The following CACNA2D3 variants were observed in gnomAD, a reference collection of about 807,000 sequenced individuals.
CACNA2D3 encodes voltage-dependent calcium channel subunit alpha-2/delta-3.
Under a neutral mutation model 160.6 loss-of-function variants are expected in CACNA2D3, and 60 were observed. The ratio of observed to expected loss-of-function variants is 0.37; its 90% CI spans 0.30 to 0.46. The LOEUF (loss-of-function observed/expected upper bound fraction) is 0.46, where lower values mean the gene tolerates loss of function less well. Ranked by LOEUF, CACNA2D3 falls within the 20% of genes least tolerant of loss-of-function variation. The pLI, the probability that CACNA2D3 is intolerant of heterozygous loss-of-function variation, is 1.00. For synonymous variants in CACNA2D3, 558 were observed against 492.9 expected (o/e 1.13, Z -1.75); for missense variants, 1,205 against 1,365.0 (o/e 0.88, Z 1.85).
chr3:54,974,696 T>TC (rs1702346563), intron 29 of CACNA2D3, among the ~76,000 whole-genome samples: 1 of 152,226 alleles, frequency 6.6e-6, no homozygotes, highest in Non-Finnish European at 1.5e-5. Flanking sequence ...CTCTGTGCTC[T>TC]CCACCCTGCC....
rs11706562 is a variant in CACNA2D3, at chr3:54,336,120, C to T, written c.321+15562C>T. Among the ~76,000 whole-genome samples the T allele has an allele frequency of 4.9e-3, 743 of 151,486 alleles. 3 individuals are homozygous for T. Among genetic ancestry groups the T allele is most frequent in the Non-Finnish European group, 9.4e-3 (638 of 67,886 alleles). On this transcript the variant is annotated intron_variant, in intron 3 of 37. Coordinates refer to ENST00000474759, the MANE Select transcript of CACNA2D3 (RefSeq NM_018398.3). ...TCTGCCTCCTCAGAATCCCAGGAGA[C>T]TTGTCTGCAGGGCGGCCCCAGTGGG...
chr3:54,213,623 A>G (rs1455534683), intron 2 of CACNA2D3, among the ~76,000 whole-genome samples: 1 of 152,206 alleles, frequency 6.6e-6, no homozygotes, highest in Non-Finnish European at 1.5e-5. Context: ...GTGGCCTGCC[A>G]CTTTCAGGTT....
intron 14 of CACNA2D3, among the ~76,000 whole-genome samples, chr3:54,822,771 TTTCTTTCTTTCTTTCTTTCCTTTCTTTC>T (rs1703644727): frequency 2.1e-5 from 2 of 93,302 alleles, no homozygotes; most frequent in South Asian, 3.8e-4. Flanking sequence ...TCTTTCTTTC[TTTCTTTCTTTCTTTCTTTCCTTTCTTTC>T]TTTCTTTCTT....
At chr3:54,900,109 G>A (rs1700292114) in intron 27 of CACNA2D3, among the ~76,000 whole-genome samples, 1 of 152,202 alleles carries the variant, frequency 6.6e-6, no homozygotes, top group Non-Finnish European at 1.5e-5. Context: ...CTCTGAGCCA[G>A]TAAGAAATTG....
At chr3:54,141,771 G>A (rs1181886176) in intron 2 of CACNA2D3, among the ~76,000 whole-genome samples, 1 of 152,086 alleles carries the variant, frequency 6.6e-6, no homozygotes, top group Non-Finnish European at 1.5e-5. Flanking sequence ...TTACTGCCTT[G>A]GTCCCCAGCA....
At chr3:54,946,316 G>A (rs1011979813) in intron 27 of CACNA2D3, among the ~76,000 whole-genome samples, 2 of 152,164 alleles carry the variant, frequency 1.3e-5, no homozygotes, top group Admixed American at 1.3e-4. Context: ...TCCTGTACAT[G>A]TCTTCAGACC....
chr3:55,008,937 C>G (rs959190823), intron 33 of CACNA2D3, among the ~76,000 whole-genome samples: 15 of 100,090 alleles, frequency 1.5e-4, no homozygotes, highest in Non-Finnish European at 3.6e-4. Flanking sequence ...GGGGCTTAAA[C>G]AAGTTCAAGT....
chr3:54,325,759 G>A (rs948258053), intron 3 of CACNA2D3, among the ~76,000 whole-genome samples: 1 of 152,206 alleles, frequency 6.6e-6, no homozygotes, highest in African/African-American at 2.4e-5. Context: ...AACACAAGTT[G>A]TAGCTAGACC....
chr3:54,894,985 T>C (rs1700155531), intron 25 of CACNA2D3, among the ~76,000 whole-genome samples: 1 of 151,330 alleles, frequency 6.6e-6, no homozygotes, highest in African/African-American at 2.4e-5. Context: ...GAGAGAAGAG[T>C]GCTTTGTAAA....
At chr3:55,069,883 C>T (rs1054186418) in intron 35 of CACNA2D3, among the ~76,000 whole-genome samples, 1 of 152,170 alleles carries the variant, frequency 6.6e-6, no homozygotes, top group Admixed American at 6.5e-5. Context: ...GAAAATGCTC[C>T]CGTATCTTAC....
At chr3:54,914,685 T>C (rs1700624796) in intron 27 of CACNA2D3, among the ~76,000 whole-genome samples, 1 of 152,216 alleles carries the variant, frequency 6.6e-6, no homozygotes, top group South Asian at 2.1e-4. Context: ...TGAGACTGCA[T>C]TGCAATTTGA....
intron 2 of CACNA2D3, among the ~76,000 whole-genome samples, chr3:54,169,907 G>A (rs1700532328): frequency 6.6e-6 from 1 of 152,116 alleles, no homozygotes; most frequent in Non-Finnish European, 1.5e-5. Context: ...GGGAGAAATG[G>A]CCGAGCGTGG....
Position 54,887,984 on chromosome 3 carries a change from C to G in CACNA2D3, c.2082C>G (p.Val694=), listed in dbSNP as rs776165355. Residue 694 remains valine (V), a synonymous_variant, in exon 24 of 38, where the codon GTC becomes GTG. Coordinates refer to ENST00000474759, the MANE Select transcript of CACNA2D3 (RefSeq NM_018398.3). ...LQCDKELIQE[V]LFDAVVSAPI... is the part of the protein sequence containing the mutation. ...GTGATAAAGAATTGATCCAAGAAGT[C>G]CTTTTTGACGCGGTGGTGAGTGCCC... 7 of 1,613,834 alleles carry G rather than the reference C, an allele frequency of 4.3e-6. No homozygotes were observed. The highest frequency in any genetic ancestry group is 4.0e-5 in the African/African-American group (3 of 74,924).
At chr3:54,610,666 C>G (rs1698734419) in intron 9 of CACNA2D3, among the ~76,000 whole-genome samples, 1 of 152,078 alleles carries the variant, frequency 6.6e-6, no homozygotes, top group Admixed American at 6.6e-5. Context: ...TCTCGTCACC[C>G]AGGCTGGAGT....
intron 2 of CACNA2D3, among the ~76,000 whole-genome samples, chr3:54,125,360 A>G (rs1044767735): frequency 2.0e-5 from 3 of 152,042 alleles, no homozygotes; most frequent in Non-Finnish European, 4.4e-5. Flanking sequence ...CCTTCTCATC[A>G]GCATCCTTTC....
At chr3:54,594,970 A>G (rs769599319) in intron 9 of CACNA2D3, among the ~76,000 whole-genome samples, 7 of 152,202 alleles carry the variant, frequency 4.6e-5, no homozygotes, top group Non-Finnish European at 8.8e-5. Context: ...TATCTTCACT[A>G]TCTGAGCAGG....
intron 35 of CACNA2D3, among the ~76,000 whole-genome samples, chr3:55,045,392 A>G (rs774804375): frequency 5.3e-5 from 8 of 152,300 alleles, no homozygotes; most frequent in Non-Finnish European, 7.3e-5. Context: ...TTTTGATATC[A>G]GGATGATGCT....
At chr3:54,536,122 A>AT (rs932161926) in intron 5 of CACNA2D3, among the ~76,000 whole-genome samples, 11 of 152,212 alleles carry the variant, frequency 7.2e-5, no homozygotes, top group African/African-American at 2.7e-4. Flanking sequence ...GCAAAAAGTT[A>AT]TTAAAAACAT....
At chr3:54,626,547 C>T (rs867498808) in intron 9 of CACNA2D3, 4 of 1,600,922 alleles carry the variant, frequency 2.5e-6, no homozygotes, top group Non-Finnish European at 1.7e-6. Context: ...CCGAGATGAT[C>T]GACCACTACC....
Sources: allele counts gnomAD v4.1 joint callset (sites outside exome capture counted in the v4.1 genomes callset), GRCh38; gene constraint gnomAD v4.1.1; transcripts MANE v1.5; gene names NCBI Gene and HGNC (gene_info 2026-07-23, HGNC 2026-07-21).